The following RAB3GAP2 variants were observed in gnomAD, a reference collection of about 807,000 sequenced individuals.
The protein encoded by RAB3GAP2 is rab3 GTPase-activating protein non-catalytic subunit.
Under a neutral mutation model 185.3 loss-of-function variants are expected in RAB3GAP2, and 87 were observed. The observed-to-expected ratio is 0.47, with a 90% confidence interval of 0.39 to 0.56. The LOEUF (loss-of-function observed/expected upper bound fraction) is 0.56. Among genes scored for constraint, RAB3GAP2 ranks in the 20% least tolerant of loss-of-function variants. The pLI is 0.00. For missense variants in RAB3GAP2, 1,492 were observed against 1,638.2 expected, an observed-to-expected ratio of 0.91 and a Z score of 1.54; for synonymous variants, 554 against 576.1, an observed-to-expected ratio of 0.96 and a Z score of 0.55.
chr1:220,238,759 C>A (rs181818054), intron 1 of RAB3GAP2, among the ~76,000 whole-genome samples: 11 of 152,286 alleles, frequency 7.2e-5, no homozygotes, highest in African/African-American at 2.4e-4. Flanking sequence ...TTGCATCCAC[C>A]AATGATCTTT....
In RAB3GAP2 at chr1:220,157,499, T is replaced by C; in HGVS notation, c.3337-11A>G. ...CCTGCTAACATCTGCCTAAGGGTTT[T>C]GAGAATGGAGGACTGTGTTCAGTAA... On this transcript the variant is annotated splice_polypyrimidine_tract_variant and intron_variant, in intron 30 of 34. Transcript: ENST00000358951. 1 of 1,611,332 alleles carries C rather than the reference T, an allele frequency of 6.2e-7. No individual in the cohort carries two copies. The highest frequency in any genetic ancestry group is 8.5e-7 in the Non-Finnish European group (1 of 1,178,622).
intron 1 of RAB3GAP2, among the ~76,000 whole-genome samples, chr1:220,246,868 T>C (rs1219061700): frequency 6.6e-6 from 1 of 150,492 alleles, no homozygotes. Context: ...CATGTATACA[T>C]ATGTAACTAA....
At chr1:220,195,750 T>C (rs988046517) in intron 10 of RAB3GAP2, among the ~76,000 whole-genome samples, 7 of 152,154 alleles carry the variant, frequency 4.6e-5, no homozygotes, top group African/African-American at 1.4e-4. Flanking sequence ...CACACACATA[T>C]ACACACACAC....
At chr1:220,266,538 A>G (rs1660229508) in intron 1 of RAB3GAP2, 1 of 663,020 alleles carries the variant, frequency 1.5e-6, no homozygotes, top group African/African-American at 1.8e-5. Flanking sequence ...ATTGATGTGG[A>G]GCTTTCTGAG....
intron 1 of RAB3GAP2, among the ~76,000 whole-genome samples, chr1:220,258,133 G>A (rs546823503): frequency 6.6e-6 from 1 of 152,234 alleles, no homozygotes; most frequent in East Asian, 1.9e-4. Flanking sequence ...GGACAAGATG[G>A]ATTCACAGTG....
At chr1:220,222,800 A>G (rs1397636923) in intron 2 of RAB3GAP2, among the ~76,000 whole-genome samples, 1 of 151,602 alleles carries the variant, frequency 6.6e-6, no homozygotes, top group Non-Finnish European at 1.5e-5. Flanking sequence ...ACCCCCAAAA[A>G]CCCCTTTATT....
intron 17 of RAB3GAP2, among the ~76,000 whole-genome samples, chr1:220,188,337 T>C (rs900816676): frequency 1.3e-5 from 2 of 152,006 alleles, no homozygotes; most frequent in Non-Finnish European, 2.9e-5. Context: ...AATTAGAAAA[T>C]AAGTAGTCAT....
At chr1:220,202,938 G>A (rs969385341) in intron 8 of RAB3GAP2, among the ~76,000 whole-genome samples, 5 of 152,204 alleles carry the variant, frequency 3.3e-5, no homozygotes, top group South Asian at 4.1e-4. Flanking sequence ...GGGAGACTCC[G>A]TCTCGAAAAC....
chr1:220,181,104 G>C (rs1292923675), intron 21 of RAB3GAP2, among the ~76,000 whole-genome samples: 1 of 152,142 alleles, frequency 6.6e-6, no homozygotes, highest in African/African-American at 2.4e-5. Context: ...ATGTGCATAG[G>C]TTACATGCAA....
chr1:220,190,181 G>A (rs1447937228), intron 15 of RAB3GAP2, 35 bp from the exon 16 acceptor site: 2 of 1,568,700 alleles, frequency 1.3e-6, no homozygotes, highest in Non-Finnish European at 1.8e-6. Context: ...ATTACAGAAT[G>A]TGAAATTATT....
Position 220,154,261 on chromosome 1 carries a change from G to A in RAB3GAP2, c.3556-204C>T, listed in dbSNP as rs1038982273. 3 of 667,864 alleles carry A rather than the reference G, an allele frequency of 4.5e-6. No homozygotes were observed. In the African/African-American group the frequency reaches 5.5e-5, roughly 12 times the overall value. The allele number at this position is 667,864 out of a possible 1,614,324, so 41.4% of individuals were successfully genotyped here. On this transcript the variant is annotated intron_variant, in intron 31 of 34. Transcript: ENST00000358951. ...GAAACCCAGTGATCCCCTCCTCCTG[G>A]TATTCGTGTTTCCTATAGTCTCCTC...
intron 21 of RAB3GAP2, 77 bp downstream of exon 21, chr1:220,182,180 A>T: frequency 1.3e-6 from 1 of 754,236 alleles, no homozygotes; most frequent in South Asian, 2.8e-5. Flanking sequence ...GACAATAGTT[A>T]AAAAAAAAAA....
At chr1:220,249,942 G>T (rs898531988) in intron 1 of RAB3GAP2, among the ~76,000 whole-genome samples, 1 of 152,208 alleles carries the variant, frequency 6.6e-6, no homozygotes, top group African/African-American at 2.4e-5. Context: ...TGTCCAAGCA[G>T]AAGTTTGCTG....
chr1:220,153,502 G>GACAGAAAA, intron 32 of RAB3GAP2, 96 bp from the exon 33 acceptor site: 1 of 1,125,366 alleles, frequency 8.9e-7, no homozygotes, highest in Non-Finnish European at 1.3e-6. Flanking sequence ...CACTTATAGT[G>GACAGAAAA]GCTTTTCCAT....
chr1:220,167,197 G>C (rs1658084646), intron 26 of RAB3GAP2, 96 bp downstream of exon 26: 2 of 1,098,466 alleles, frequency 1.8e-6, no homozygotes, highest in South Asian at 2.6e-5. Context: ...GAAAAAGCCA[G>C]TGTTTATAAT....
At chr1:220,207,839 T>G (rs1336082245) in intron 7 of RAB3GAP2, 1 of 152,208 alleles carries the variant, frequency 6.6e-6, no homozygotes, top group Admixed American at 6.5e-5. Context: ...AGAAATTTCT[T>G]TGAAATTCCA....
Position 220,249,368 on chromosome 1 carries a change from CTT to C in RAB3GAP2, c.116-16507_116-16506del, listed in dbSNP as rs148742418. ...CTTGGGAACTGGAGAAAAGGTCACTCTTGTTATACTTTAGCAAAAAGACTGGC... is the reference window on the plus strand; with the variant it reads ...CTTGGGAACTGGAGAAAAGGTCACTCGTTATACTTTAGCAAAAAGACTGGC... On this transcript the variant is annotated intron_variant, in intron 1 of 34. Coordinates refer to ENST00000358951, the MANE Select transcript of RAB3GAP2 (RefSeq NM_012414.4). Among the ~76,000 whole-genome samples the C allele has an allele frequency of 7.9e-3, 1,207 of 152,226 alleles. 13 individuals are homozygous for C. The highest frequency in any genetic ancestry group is 0.028 in the African/African-American group (1,157 of 41,526).
At chr1:220,226,167 AC>A (rs1298710694) in intron 2 of RAB3GAP2, among the ~76,000 whole-genome samples, 2 of 152,144 alleles carry the variant, frequency 1.3e-5, no homozygotes, top group Non-Finnish European at 2.9e-5. Flanking sequence ...AGTAACCACT[AC>A]CCATTTACCA....
chr1:220,167,718 A>G (rs1429645550), intron 24 of RAB3GAP2, 43 bp from the exon 25 acceptor site: 4 of 1,590,792 alleles, frequency 2.5e-6, no homozygotes, highest in Non-Finnish European at 3.4e-6. Context: ...TTTACAACAC[A>G]CAGGGCAGTG....
Sources: gnomAD v4.1 joint callset for allele counts (sites outside exome capture counted in the v4.1 genomes callset) on GRCh38, gnomAD v4.1.1 for gene constraint, MANE v1.5 for transcripts, NCBI Gene and HGNC (gene_info 2026-07-23, HGNC 2026-07-21) for gene names.